Variants in SOX6 observed in about 807,000 individuals in gnomAD.
The protein encoded by SOX6 is transcription factor SOX-6.
Under a neutral mutation model 97.8 loss-of-function variants are expected in SOX6, and 11 were observed. The observed-to-expected ratio is 0.11, with a 90% confidence interval of 0.07 to 0.19. The LOEUF (loss-of-function observed/expected upper bound fraction) is 0.19. Among genes scored for constraint, SOX6 ranks in the 10% least tolerant of loss-of-function variants. The probability of loss-of-function intolerance (pLI) is 1.00; values close to 1 mark genes in which losing one functional copy is unlikely to be tolerated. For missense variants in SOX6, 810 were observed against 1,039.5 expected, an observed-to-expected ratio of 0.78 and a Z score of 3.04; for synonymous variants, 360 against 371.4, an observed-to-expected ratio of 0.97 and a Z score of 0.35.
At chr11:16,112,710 C>T (rs573251136) in intron 6 of SOX6, among the ~76,000 whole-genome samples, 9 of 152,028 alleles carry the variant, frequency 5.9e-5, no homozygotes, top group Non-Finnish European at 1.0e-4. Context: ...TATTTGTATT[C>T]CATATAAAGA....
intron 4 of SOX6, among the ~76,000 whole-genome samples, chr11:16,500,909 T>C (rs4543945): frequency 0.17 from 25,660 of 151,920 alleles, 2,618 homozygotes; most frequent in Admixed American, 0.3. Flanking sequence ...GATTCAATGC[T>C]ATCCCCATCA....
chr11:16,074,478 A>C, intron 9 of SOX6, among the ~76,000 whole-genome samples: 1 of 152,222 alleles, frequency 6.6e-6, no homozygotes, highest in Admixed American at 6.5e-5. Context: ...AAATCCCAGG[A>C]TTTACAGATG....
At chr11:16,538,133 A>G (rs1006012785) in intron 4 of SOX6, among the ~76,000 whole-genome samples, 2 of 152,226 alleles carry the variant, frequency 1.3e-5, no homozygotes, top group East Asian at 3.8e-4. Flanking sequence ...ATCTCTCTGC[A>G]GAAACCGTAC....
intron 9 of SOX6, among the ~76,000 whole-genome samples, chr11:16,079,708 T>TAA (rs1848432120): frequency 2.0e-5 from 3 of 152,140 alleles, no homozygotes; most frequent in African/African-American, 4.8e-5. Flanking sequence ...CTTCTGTATT[T>TAA]TTTAAATTAA....
At chr11:16,108,443 C>A (rs1849151375) in intron 7 of SOX6, among the ~76,000 whole-genome samples, 1 of 152,090 alleles carries the variant, frequency 6.6e-6, no homozygotes, top group East Asian at 1.9e-4. Context: ...TACACATTGG[C>A]AACTGTGAAA....
intron 4 of SOX6, among the ~76,000 whole-genome samples, chr11:16,512,435 T>A (rs1860894472): frequency 6.6e-6 from 1 of 152,200 alleles, no homozygotes; most frequent in East Asian, 1.9e-4. Context: ...CTAAAATCCA[T>A]GTGGAACAGG....
chr11:16,229,249 G>A (rs1852777774), intron 4 of SOX6, among the ~76,000 whole-genome samples: 1 of 151,988 alleles, frequency 6.6e-6, no homozygotes, highest in Admixed American at 6.6e-5. Flanking sequence ...AATAATGACA[G>A]AGTTCTAAAA....
intron 1 of SOX6, among the ~76,000 whole-genome samples, chr11:16,474,637 T>C (rs1325586357): frequency 6.6e-6 from 1 of 152,162 alleles, no homozygotes; most frequent in African/African-American, 2.4e-5. Flanking sequence ...CAGTAAACCA[T>C]GCTATAAACA....
At chr11:16,680,794 G>A (rs374131767) in intron 3 of SOX6, among the ~76,000 whole-genome samples, 3 of 152,140 alleles carry the variant, frequency 2.0e-5, no homozygotes, top group South Asian at 2.1e-4. Flanking sequence ...ACAAAAAAAC[G>A]CAGGGGCTGC....
At chr11:16,603,166 G>A (rs181735251) in intron 4 of SOX6, among the ~76,000 whole-genome samples, 1 of 152,204 alleles carries the variant, frequency 6.6e-6, no homozygotes, top group African/African-American at 2.4e-5. Context: ...TAGAAACAAG[G>A]GGGGAGGAGG....
intron 1 of SOX6, among the ~76,000 whole-genome samples, chr11:16,395,541 T>C (rs1045476812): frequency 9.9e-5 from 15 of 151,632 alleles, no homozygotes; most frequent in African/African-American, 3.6e-4. Context: ...AGCAGCTGGA[T>C]CAGAAAGAAT....
chr11:16,289,521 T>C (rs920519272), intron 3 of SOX6, among the ~76,000 whole-genome samples: 5 of 152,026 alleles, frequency 3.3e-5, no homozygotes, highest in African/African-American at 4.8e-5. Flanking sequence ...AAAGACATTT[T>C]CTGTCTTCAA....
chr11:16,225,251 A>C (rs1216930240), intron 4 of SOX6, among the ~76,000 whole-genome samples: 1 of 152,052 alleles, frequency 6.6e-6, no homozygotes, highest in Non-Finnish European at 1.5e-5. Flanking sequence ...TTGCTATTAA[A>C]AATTTTATCA....
At chr11:16,157,760 T>C (rs1850640454) in intron 6 of SOX6, among the ~76,000 whole-genome samples, 1 of 152,010 alleles carries the variant, frequency 6.6e-6, no homozygotes, top group South Asian at 2.1e-4. Flanking sequence ...GAGAAATGAA[T>C]TTATTTGTAG....
intron 3 of SOX6, among the ~76,000 whole-genome samples, chr11:16,624,280 C>T (rs1046956930): frequency 3.3e-5 from 5 of 151,776 alleles, no homozygotes; most frequent in African/African-American, 9.7e-5. Context: ...CTCTGCCTTC[C>T]GGGTTTGAAC....
intron 3 of SOX6, chr11:16,317,583 A>C (rs1441291755): frequency 6.5e-6 from 1 of 154,886 alleles, no homozygotes; most frequent in Non-Finnish European, 1.4e-5. Flanking sequence ...TTCTACGAAA[A>C]TTAATTGGAA....
intron 4 of SOX6, among the ~76,000 whole-genome samples, chr11:16,557,098 T>C (rs1000440699): frequency 6.6e-6 from 1 of 151,766 alleles, no homozygotes; most frequent in African/African-American, 2.4e-5. Context: ...AATTAGTAAA[T>C]ACAACTATAG....
intron 3 of SOX6, among the ~76,000 whole-genome samples, chr11:16,286,012 A>G (rs1854729784): frequency 1.3e-5 from 2 of 152,202 alleles, no homozygotes; most frequent in African/African-American, 4.8e-5. Context: ...ATGATAAGAT[A>G]CAGTGTTCCA....
intron 4 of SOX6, among the ~76,000 whole-genome samples, chr11:16,209,746 C>G (rs917049107): frequency 6.6e-6 from 1 of 151,470 alleles, no homozygotes; most frequent in Non-Finnish European, 1.5e-5. Context: ...GCATGAGACT[C>G]TGTCTCAAAA....
Sources: allele counts gnomAD v4.1 joint callset (sites outside exome capture counted in the v4.1 genomes callset), GRCh38; gene constraint gnomAD v4.1.1; transcripts MANE v1.5; gene names NCBI Gene and HGNC (gene_info 2026-07-23, HGNC 2026-07-21).